Variants in CEP112 observed in about 807,000 individuals in gnomAD.
CEP112 encodes centrosomal protein 112.
In CEP112, 127 loss-of-function variants were observed where a neutral mutation model predicts 153.0. The ratio of observed to expected loss-of-function variants is 0.83; its 90% CI spans 0.72 to 0.96. CEP112 has a LOEUF of 0.96. CEP112 is among the 40% of genes least tolerant of loss of function. The probability of loss-of-function intolerance (pLI) is 0.00; values close to 1 mark genes in which losing one functional copy is unlikely to be tolerated. For missense variants in CEP112, 1,089 were observed against 1,101.2 expected (o/e 0.99, Z 0.16); for synonymous variants, 358 against 374.4 (o/e 0.96, Z 0.51).
intron 5 of CEP112, among the ~76,000 whole-genome samples, 198 bp from the exon 6 acceptor site, chr17:66,130,021 G>C (rs2070060591): frequency 2.0e-5 from 3 of 151,874 alleles, no homozygotes; most frequent in Non-Finnish European, 4.4e-5. Flanking sequence ...AAAAAGAAGA[G>C]AAAGAAGTGG....
At chr17:66,131,913 A>G (rs191145108) in intron 5 of CEP112, among the ~76,000 whole-genome samples, 3 of 150,932 alleles carry the variant, frequency 2.0e-5, no homozygotes, top group Non-Finnish European at 4.4e-5. Context: ...TCATGCCTGT[A>G]ATCCCAACAC....
At chr17:65,964,256 C>T (rs979405646) in intron 17 of CEP112, among the ~76,000 whole-genome samples, 8 of 152,136 alleles carry the variant, frequency 5.3e-5, no homozygotes, top group Admixed American at 3.3e-4. Flanking sequence ...ATTAGTGAGG[C>T]TTTTTTGCCA....
At chr17:66,080,435 G>A (rs914739786) in intron 8 of CEP112, among the ~76,000 whole-genome samples, 13 of 152,194 alleles carry the variant, frequency 8.5e-5, no homozygotes, top group Non-Finnish European at 1.6e-4. Flanking sequence ...CTGGTCATTA[G>A]AGAAATGCAA....
At chr17:65,930,138 T>C (rs2061070914) in intron 18 of CEP112, among the ~76,000 whole-genome samples, 1 of 152,202 alleles carries the variant, frequency 6.6e-6, no homozygotes, top group African/African-American at 2.4e-5. Flanking sequence ...GCTTCACTGG[T>C]ATATGGAACT....
chr17:65,715,049 T>C (rs2049422274), intron 23 of CEP112, among the ~76,000 whole-genome samples: 1 of 151,936 alleles, frequency 6.6e-6, no homozygotes, highest in African/African-American at 2.4e-5. Flanking sequence ...GTAGTAAGTG[T>C]AAAGTGGATT....
At chr17:66,138,115 C>T (rs1404751345) in intron 4 of CEP112, among the ~76,000 whole-genome samples, 1 of 152,130 alleles carries the variant, frequency 6.6e-6, no homozygotes, top group Non-Finnish European at 1.5e-5. Context: ...TTTATTTGGG[C>T]ACTGCAGCCA....
chr17:65,864,744 T>A (rs1170806589), intron 20 of CEP112, among the ~76,000 whole-genome samples: 1 of 152,122 alleles, frequency 6.6e-6, no homozygotes, highest in East Asian at 1.9e-4. Flanking sequence ...ACCGGCATCT[T>A]TATTATTACA....
intron 16 of CEP112, among the ~76,000 whole-genome samples, chr17:66,015,249 T>C (rs1292839394): frequency 6.6e-6 from 1 of 152,222 alleles, no homozygotes; most frequent in African/African-American, 2.4e-5. Flanking sequence ...TGGTTTTAAA[T>C]TGTTTTAACT....
intron 17 of CEP112, among the ~76,000 whole-genome samples, chr17:65,999,150 A>G (rs11652795): frequency 0.41 from 62,193 of 151,574 alleles, 14,235 homozygotes; most frequent in East Asian, 0.87. Flanking sequence ...TATAAATGCA[A>G]GAAATATTTA....
intron 21 of CEP112, among the ~76,000 whole-genome samples, chr17:65,770,425 A>G (rs1449628766): frequency 1.3e-5 from 2 of 152,202 alleles, no homozygotes; most frequent in East Asian, 3.9e-4. Context: ...AAAAGCACAC[A>G]TATTCAAAGA....
At chr17:65,875,643 T>C (rs918412786) in intron 20 of CEP112, among the ~76,000 whole-genome samples, 1 of 152,204 alleles carries the variant, frequency 6.6e-6, no homozygotes, top group Non-Finnish European at 1.5e-5. Context: ...TAACTTTCAA[T>C]AGAATAACTA....
chr17:66,000,573 T>A (rs1381173602), intron 17 of CEP112, among the ~76,000 whole-genome samples: 2 of 151,758 alleles, frequency 1.3e-5, no homozygotes, highest in Admixed American at 1.3e-4. Context: ...ACTTCTCCCG[T>A]AGATGGAACT....
chr17:65,827,518 AT>A (rs1427100608), intron 21 of CEP112, among the ~76,000 whole-genome samples: 1 of 152,142 alleles, frequency 6.6e-6, no homozygotes, highest in Non-Finnish European at 1.5e-5. Flanking sequence ...TCTCATCTGG[AT>A]TACCAAAGTT....
chr17:65,930,113 ATTAC>A (rs1029166372), intron 18 of CEP112, among the ~76,000 whole-genome samples: 2 of 152,154 alleles, frequency 1.3e-5, no homozygotes, highest in African/African-American at 4.8e-5. Context: ...GCTACTTTAT[ATTAC>A]TTATTATTCT....
chr17:66,023,094 T>C (rs758268624), intron 16 of CEP112, among the ~76,000 whole-genome samples: 2 of 152,050 alleles, frequency 1.3e-5, no homozygotes, highest in Non-Finnish European at 2.9e-5. Context: ...TTACAAAAGA[T>C]TGCCATTCCT....
chr17:66,024,381 C>T (rs1476439545), intron 16 of CEP112, among the ~76,000 whole-genome samples: 2 of 152,158 alleles, frequency 1.3e-5, no homozygotes, highest in Non-Finnish European at 2.9e-5. Context: ...GTCAAATTAT[C>T]TGTTATTGAT....
chr17:65,638,834 G>C (rs1244817754), intron 25 of CEP112, among the ~76,000 whole-genome samples: 2 of 152,108 alleles, frequency 1.3e-5, no homozygotes, highest in African/African-American at 2.4e-5. Context: ...AGGCTGAAGT[G>C]GCTTTTATTA....
chr17:65,998,233 A>G (rs1010965257), intron 17 of CEP112, among the ~76,000 whole-genome samples: 1 of 151,878 alleles, frequency 6.6e-6, no homozygotes, highest in African/African-American at 2.4e-5. Flanking sequence ...ATCCAAAAAA[A>G]TTAGCTGAGC....
intron 6 of CEP112, among the ~76,000 whole-genome samples, chr17:66,111,659 A>G (rs753460521): frequency 2.6e-5 from 4 of 152,116 alleles, no homozygotes; most frequent in South Asian, 4.1e-4. Flanking sequence ...CTAAATGACA[A>G]GAACATAAGA....
Sources: allele counts gnomAD v4.1 joint callset (sites outside exome capture counted in the v4.1 genomes callset), GRCh38; gene constraint gnomAD v4.1.1; transcripts MANE v1.5; gene names NCBI Gene and HGNC (gene_info 2026-07-23, HGNC 2026-07-21).